The following CAMTA1 variants were observed in gnomAD, a reference collection of about 807,000 sequenced individuals.
CAMTA1 encodes calmodulin-binding transcription activator 1.
In CAMTA1, 27 loss-of-function variants were observed where a neutral mutation model predicts 170.9. The observed-to-expected ratio is 0.16, with a 90% CI of 0.12 to 0.22. The LOEUF (loss-of-function observed/expected upper bound fraction) is 0.22. Among genes scored for constraint, CAMTA1 ranks in the 10% least tolerant of loss-of-function variants. The probability of loss-of-function intolerance (pLI) is 1.00; values close to 1 mark genes in which losing one functional copy is unlikely to be tolerated. For missense variants in CAMTA1, 1,619 were observed against 2,217.2 expected (o/e 0.73, Z 5.42); for synonymous variants, 833 against 891.5 (o/e 0.93, Z 1.17).
rs970463926 is a variant in CAMTA1, at chr1:7,562,341, C to T, written c.511-78059C>T. Among the ~76,000 whole-genome samples, 4 of 152,240 alleles carry T rather than the reference C, an allele frequency of 2.6e-5. No homozygotes were observed. The highest frequency in any genetic ancestry group is 6.5e-5 in the Admixed American group (1 of 15,284). ...CTGTTTAATTCGGTGCTTCCTGCAT[C>T]GTTGGGCAGTGTAACTCAGTTGGGT... On this transcript the variant is annotated intron_variant, in intron 6 of 22. Coordinates refer to ENST00000303635, the MANE Select transcript of CAMTA1 (RefSeq NM_015215.4). The surrounding 1 kb of genome is among the most constrained non-coding windows in gnomAD (Gnocchi z 4.8).
At chr1:7,603,702 T>C (rs1200762301) in intron 6 of CAMTA1, among the ~76,000 whole-genome samples, 1 of 152,234 alleles carries the variant, frequency 6.6e-6, no homozygotes, top group African/African-American at 2.4e-5. Context: ...AATATTATTA[T>C]GTGTGAATTT....
rs116986890 is a variant in CAMTA1, at chr1:7,556,121, C to T, written c.511-84279C>T. ...TTTTTGCAGGAAGGAACAAGTAAGA[C>T]GGGGTGAGCAGGCTTTGGAGAAATT... is the stretch of plus-strand genomic sequence containing the variant. On this transcript the variant is annotated intron_variant, in intron 6 of 22. Coordinates refer to ENST00000303635, the MANE Select transcript of CAMTA1 (RefSeq NM_015215.4). Among the ~76,000 whole-genome samples, 451 of 152,278 alleles carry T rather than the reference C, an allele frequency of 3.0e-3. 16 individuals carry two copies. In the East Asian group the frequency reaches 0.077, roughly 26 times the overall value.
chr1:7,543,741 T>C (rs1039118407), intron 6 of CAMTA1, among the ~76,000 whole-genome samples: 1 of 152,250 alleles, frequency 6.6e-6, no homozygotes, highest in Non-Finnish European at 1.5e-5. Flanking sequence ...AGAACAGTTT[T>C]TATATTTTAT....
At chr1:7,232,845 C>T (rs1461424054) in intron 4 of CAMTA1, among the ~76,000 whole-genome samples, 4 of 152,094 alleles carry the variant, frequency 2.6e-5, no homozygotes, top group East Asian at 1.9e-4. Context: ...ATTGGCCTTT[C>T]GCGTGCAGCC....
chr1:7,577,376 G>A lies in CAMTA1; in HGVS notation c.511-63024G>A, dbSNP rs371656447. ...CCCAACCTCTCCCAGCCCCTCAGGA[G>A]GGAAGCAAGGCCACCTGTGTCAGCA... On this transcript the variant is annotated intron_variant, in intron 6 of 22. Transcript: ENST00000303635. Among the ~76,000 whole-genome samples the A allele has an allele frequency of 2.0e-5, 3 of 152,214 alleles. No homozygotes were observed. In the East Asian group the frequency reaches 5.8e-4, roughly 29 times the overall value.
At chr1:7,384,269 C>G (rs141593425) in intron 5 of CAMTA1, among the ~76,000 whole-genome samples, 2 of 152,170 alleles carry the variant, frequency 1.3e-5, no homozygotes, top group African/African-American at 4.8e-5. Flanking sequence ...TGAAAGTGGC[C>G]GCAGCTTCAC....
chr1:7,420,428 G>A (rs1275441017), intron 5 of CAMTA1, among the ~76,000 whole-genome samples: 1 of 152,098 alleles, frequency 6.6e-6, no homozygotes, highest in African/African-American at 2.4e-5. Context: ...GGAGCTTCGT[G>A]GGGCCACATG....
chr1:7,626,099 C>T (rs1413148612), intron 6 of CAMTA1, among the ~76,000 whole-genome samples: 2 of 152,222 alleles, frequency 1.3e-5, no homozygotes, highest in Non-Finnish European at 2.9e-5. Context: ...TACACGTTAT[C>T]TTGTCCTACC....
chr1:7,416,092 C>T lies in CAMTA1; in HGVS notation c.439-51738C>T, dbSNP rs550684658. ...TAAGAATGTTGAATATTGGCCCCCA[C>T]TCTCTTCTGGCTTGTAGAGTTTCTG... On this transcript the variant is annotated intron_variant, in intron 5 of 22. Coordinates refer to ENST00000303635, the MANE Select transcript of CAMTA1 (RefSeq NM_015215.4). 4.6e-3 allele frequency among the ~76,000 whole-genome samples: 707 copies of T among 152,322 alleles called. 1 individual carries two copies. The highest frequency in any genetic ancestry group is 7.7e-3 in the Non-Finnish European group (526 of 68,044).
chr1:7,146,967 G>A lies in CAMTA1; in HGVS notation c.302+55596G>A, dbSNP rs375953850. On this transcript the variant is annotated intron_variant, in intron 4 of 22. Coordinates refer to ENST00000303635, the MANE Select transcript of CAMTA1 (RefSeq NM_015215.4). This position sits in a 1 kb window ranked among gnomAD's most constrained non-coding sequence, Gnocchi z 4.3. Reference sequence around the variant, plus strand: ...CACATCACACATTCAAACATATGCCGTGCACACACACAGAAAGTTACAGCA... The same window carrying A: ...CACATCACACATTCAAACATATGCCATGCACACACACAGAAAGTTACAGCA... Among the ~76,000 whole-genome samples the A allele has an allele frequency of 4.6e-5, 7 of 151,296 alleles. No individual in the cohort carries two copies. Among genetic ancestry groups the A allele is most frequent in the South Asian group, 2.1e-4 (1 of 4,786 alleles).
chr1:7,090,827 T>G (rs1378693082), intron 3 of CAMTA1, among the ~76,000 whole-genome samples: 1 of 152,198 alleles, frequency 6.6e-6, no homozygotes, highest in African/African-American at 2.4e-5. Flanking sequence ...CTTTTCTTTT[T>G]AATCTTTGTG....
At chr1:7,037,566 G>A (rs1267420271) in intron 3 of CAMTA1, among the ~76,000 whole-genome samples, 2 of 152,158 alleles carry the variant, frequency 1.3e-5, no homozygotes, top group East Asian at 1.9e-4. Flanking sequence ...CAGGCCGGGC[G>A]CGGTGGCTCA....
At chr1:7,351,845 G>A (rs2084698526) in intron 5 of CAMTA1, among the ~76,000 whole-genome samples, 1 of 152,242 alleles carries the variant, frequency 6.6e-6, no homozygotes, top group Admixed American at 6.5e-5. Flanking sequence ...TTTATGGCAA[G>A]TATAAACAGA....
chr1:7,210,658 T>A (rs540371542), intron 4 of CAMTA1, among the ~76,000 whole-genome samples: 13 of 152,372 alleles, frequency 8.5e-5, no homozygotes, highest in African/African-American at 3.1e-4. Flanking sequence ...TCAATTATTA[T>A]AATGCATGCC....
At chr1:6,817,877 A>G (rs1373500564) in intron 1 of CAMTA1, among the ~76,000 whole-genome samples, 1 of 152,174 alleles carries the variant, frequency 6.6e-6, no homozygotes, top group Non-Finnish European at 1.5e-5. Flanking sequence ...AGAAAGAATT[A>G]AGGAGCTCAT....
At chr1:6,871,573 A>C (rs1301303896) in intron 3 of CAMTA1, among the ~76,000 whole-genome samples, 1 of 148,716 alleles carries the variant, frequency 6.7e-6, no homozygotes, top group East Asian at 1.9e-4. Context: ...TAATGATTGA[A>C]TGGTTAAATT....
chr1:6,896,959 A>T (rs1015858839), intron 3 of CAMTA1, among the ~76,000 whole-genome samples: 4 of 152,152 alleles, frequency 2.6e-5, no homozygotes, highest in African/African-American at 9.7e-5. Flanking sequence ...GTAACTTCCC[A>T]GTTAATTTAT....
intron 7 of CAMTA1, among the ~76,000 whole-genome samples, chr1:7,659,012 C>T (rs971621566): frequency 9.2e-5 from 14 of 152,326 alleles, no homozygotes; most frequent in African/African-American, 3.1e-4. Flanking sequence ...CTCAGCCCCA[C>T]CCATCCCCCT....
intron 3 of CAMTA1, among the ~76,000 whole-genome samples, chr1:6,979,732 G>C (rs1694091173): frequency 6.6e-6 from 1 of 152,188 alleles, no homozygotes; most frequent in South Asian, 2.1e-4. Flanking sequence ...AGCTGAGCTG[G>C]TGGTGGTGTA....
Sources: allele counts gnomAD v4.1 joint callset (sites outside exome capture counted in the v4.1 genomes callset), GRCh38; gene constraint gnomAD v4.1.1; non-coding constraint Gnocchi (gnomAD v3.1); transcripts MANE v1.5; gene names NCBI Gene and HGNC (gene_info 2026-07-23, HGNC 2026-07-21).